The following ASCC3 variants were observed in gnomAD, a reference collection of about 807,000 sequenced individuals.
ASCC3 encodes the protein ASC-1 complex subunit P200.
In ASCC3, 158 loss-of-function variants were observed where a neutral mutation model predicts 256.3. The observed-to-expected ratio is 0.62, with a 90% confidence interval of 0.54 to 0.70. ASCC3 has a LOEUF of 0.70. Among genes scored for constraint, ASCC3 ranks in the 30% least tolerant of loss-of-function variants. ASCC3 has a pLI of 0.00. For synonymous variants in ASCC3, 948 were observed against 883.4 expected, an observed-to-expected ratio of 1.07 and a Z score of -1.30; for missense variants, 2,259 against 2,626.0, an observed-to-expected ratio of 0.86 and a Z score of 3.05.
intron 4 of ASCC3, among the ~76,000 whole-genome samples, chr6:100,819,740 G>C (rs1295167420): frequency 6.6e-6 from 1 of 152,124 alleles, no homozygotes; most frequent in Non-Finnish European, 1.5e-5. Context: ...AGCCATGCTG[G>C]CAGCTGATTA....
At chr6:100,737,072 G>A (rs1395719502) in intron 10 of ASCC3, among the ~76,000 whole-genome samples, 2 of 151,674 alleles carry the variant, frequency 1.3e-5, no homozygotes, top group Non-Finnish European at 2.9e-5. Flanking sequence ...GCTTGAACCC[G>A]AGAGGTGGAG....
rs1213651602 is a variant in ASCC3 at position 100,512,734 on chromosome 6, T to G, written c.6260A>C (p.Gln2087Pro). 11 of 1,614,002 alleles carry G rather than the reference T, an allele frequency of 6.8e-6. No homozygotes were observed. Among genetic ancestry groups the G allele is most frequent in the Non-Finnish European group, 9.3e-6 (11 of 1,179,974 alleles). The change falls in exon 40 of 42, where the codon CAG (glutamine) becomes CCG (proline). Residue 2087 changes from glutamine to proline, a missense_variant. Transcript: ENST00000369162. ...DQEYVLQVSLQRVHFGFHKGK... is the reference protein window; with the variant it reads ...DQEYVLQVSLPRVHFGFHKGK... ...CTTGTGGAACCCAAAGTGGACTCTC[T>G]GCAAGCTCACTTGAAGCACATACTC...
At chr6:100,674,478 T>A (rs1166005055) in intron 14 of ASCC3, among the ~76,000 whole-genome samples, 2 of 152,032 alleles carry the variant, frequency 1.3e-5, no homozygotes, top group Non-Finnish European at 2.9e-5. Context: ...TTCAATATTA[T>A]TTTTTATTGT....
chr6:100,877,288 A>C (rs1774047862), intron 1 of ASCC3, among the ~76,000 whole-genome samples: 1 of 152,162 alleles, frequency 6.6e-6, no homozygotes, highest in Admixed American at 6.5e-5. Context: ...AGGGATAAAA[A>C]CACTGACATG....
At chr6:100,656,712 CA>C (rs1775931947) in intron 16 of ASCC3, among the ~76,000 whole-genome samples, 1 of 151,282 alleles carries the variant, frequency 6.6e-6, no homozygotes, top group Non-Finnish European at 1.5e-5. Flanking sequence ...CAAAGAATTT[CA>C]ATGAAAAGTT....
intron 13 of ASCC3, among the ~76,000 whole-genome samples, chr6:100,703,066 ATTT>A (rs1011514652): frequency 4.6e-5 from 7 of 151,482 alleles, no homozygotes; most frequent in African/African-American, 1.7e-4. Flanking sequence ...TGCCATCTGG[ATTT>A]TTTTTTCTAA....
intron 25 of ASCC3, among the ~76,000 whole-genome samples, chr6:100,636,369 G>A (rs1009693725): frequency 2.5e-4 from 38 of 152,026 alleles, no homozygotes; most frequent in African/African-American, 9.2e-4. Flanking sequence ...CACCATATAA[G>A]ATGACAAACT....
At chr6:100,574,846 A>G (rs1264857218) in intron 36 of ASCC3, among the ~76,000 whole-genome samples, 1 of 152,108 alleles carries the variant, frequency 6.6e-6, no homozygotes, top group African/African-American at 2.4e-5. Context: ...AAAATATTTC[A>G]TTTCTCTATG....
chr6:100,651,661 GT>G lies in ASCC3; in HGVS notation c.2989-16del. On this transcript the variant is annotated splice_polypyrimidine_tract_variant and intron_variant, in intron 18 of 41. Transcript: ENST00000369162. The stretch of plus-strand genomic sequence containing the variant: ...TCATTAAAGGTCTACCAAAGTAAGT[GT>G]TATATTTGATTAAAATAAAAATATT... 7.4e-7 allele frequency: 1 copy of G among 1,346,786 alleles called. No homozygotes were observed. Among genetic ancestry groups the G allele is most frequent in the Non-Finnish European group, 1.0e-6 (1 of 981,486 alleles). The allele number at this position is 1,346,786 out of a possible 1,614,324, so 83.4% of individuals were successfully genotyped here.
At position 100,700,837 on chromosome 6, in the gene ASCC3, C is replaced by T. The variant is rs1269573590; in HGVS notation, c.2151+14625G>A. On this transcript the variant is annotated intron_variant, in intron 13 of 41. Transcript: ENST00000369162. Reference sequence around the variant, plus strand: ...CCCATTGTATCTAGGAAGTAACTAACTTGCTTTTGATTTTACAAGCCCATA... The same window carrying T: ...CCCATTGTATCTAGGAAGTAACTAATTTGCTTTTGATTTTACAAGCCCATA... 2.0e-5 allele frequency among the ~76,000 whole-genome samples: 3 copies of T among 152,294 alleles called. No individual in the cohort carries two copies. The East Asian group carries it at 5.8e-4, about 29-fold the overall frequency.
intron 3 of ASCC3, among the ~76,000 whole-genome samples, chr6:100,856,030 T>C (rs542294121): frequency 2.6e-5 from 4 of 152,308 alleles, no homozygotes; most frequent in South Asian, 4.1e-4. Context: ...ACAAGAAATA[T>C]AGTTGCATCA....
chr6:100,551,049 G>T (rs968234562), intron 36 of ASCC3, among the ~76,000 whole-genome samples: 2 of 151,936 alleles, frequency 1.3e-5, no homozygotes, highest in Non-Finnish European at 2.9e-5. Flanking sequence ...TGTTAACCCA[G>T]TGATGCCTTT....
intron 11 of ASCC3, among the ~76,000 whole-genome samples, chr6:100,723,378 G>T (rs1420697254): frequency 1.3e-5 from 2 of 151,396 alleles, no homozygotes; most frequent in Non-Finnish European, 1.5e-5. Flanking sequence ...ATAACTTCTT[G>T]AGCTTGCATA....
intron 10 of ASCC3, among the ~76,000 whole-genome samples, chr6:100,735,156 A>G (rs1362051741): frequency 1.3e-5 from 2 of 152,188 alleles, no homozygotes; most frequent in Non-Finnish European, 2.9e-5. Context: ...CAGTGTATAT[A>G]ATAGGAAAAT....
rs991178900 is a variant in ASCC3, at chr6:100,864,151, T to G, written c.154A>C (p.Lys52Gln). ...TTCTCCAGTTTTTCATTCAAAAATT[T>G]TATTATCTTCTTCCATGTCAGGCCC... ...DLGLTWKKII[K>Q]FLNEKLEKSK... Residue 52 changes from lysine (K) to glutamine (Q), a missense_variant, in exon 3 of 42, where the codon AAA becomes CAA. By Grantham distance (53) the Lys-to-Gln change is moderately conservative. This residue lies in a region of ASCC3 where 420 missense variants were observed against 419.3 expected (regional missense o/e 1.00). Coordinates refer to ENST00000369162, the MANE Select transcript of ASCC3 (RefSeq NM_006828.4). The G allele has an allele frequency of 6.2e-6, 10 of 1,608,842 alleles. No homozygotes were observed. Among genetic ancestry groups the G allele is most frequent in the Non-Finnish European group, 8.5e-7 (1 of 1,176,936 alleles).
chr6:100,687,006 C>T lies in ASCC3; in HGVS notation c.2152-7254G>A, dbSNP rs558048143. On this transcript the variant is annotated intron_variant, in intron 13 of 41. Coordinates refer to ENST00000369162, the MANE Select transcript of ASCC3 (RefSeq NM_006828.4). ...ACAGACGTAGTTCATTTTTTCTGTA[C>T]TTAAATCTCTCTCTCTCTCTCTCTC... Among the ~76,000 whole-genome samples the T allele has an allele frequency of 2.0e-3, 255 of 125,854 alleles. 1 individual carries two copies. Among genetic ancestry groups the T allele is most frequent in the Non-Finnish European group, 3.1e-3 (175 of 56,946 alleles). 82.6% of individuals were successfully genotyped at this position (125,854 alleles called of 152,430 possible).
chr6:100,811,763 A>C (rs1449987378), intron 4 of ASCC3, among the ~76,000 whole-genome samples: 1 of 152,156 alleles, frequency 6.6e-6, no homozygotes, highest in African/African-American at 2.4e-5. Flanking sequence ...AACTAGAAAA[A>C]AGAGTCATAG....
intron 13 of ASCC3, among the ~76,000 whole-genome samples, chr6:100,681,949 C>T (rs532995258): frequency 3.9e-5 from 6 of 152,006 alleles, no homozygotes; most frequent in Non-Finnish European, 7.4e-5. Flanking sequence ...GTGATATTTT[C>T]GTAATGACTG....
intron 4 of ASCC3, among the ~76,000 whole-genome samples, chr6:100,821,835 T>TA (rs1771061025): frequency 1.3e-5 from 2 of 150,370 alleles, no homozygotes; most frequent in African/African-American, 4.9e-5. Flanking sequence ...CCAAAAAAAA[T>TA]AAAAAAATAA....
Sources: gnomAD v4.1 joint callset for allele counts (sites outside exome capture counted in the v4.1 genomes callset) on GRCh38, gnomAD v4.1.1 for gene constraint, gnomAD v4.1.1 regional missense constraint, MANE v1.5 for transcripts, NCBI Gene and HGNC (gene_info 2026-07-23, HGNC 2026-07-21) for gene names.